Variants in RASAL1 observed in about 807,000 individuals in gnomAD.
RASAL1 encodes the protein RAS protein activator like 1, also known as rasGAP-activating-like protein 1.
In RASAL1, 72 loss-of-function variants were observed where a neutral mutation model predicts 96.6. The observed-to-expected ratio is 0.75, with a 90% CI of 0.62 to 0.91. The LOEUF is 0.91. Among genes scored for constraint, RASAL1 ranks in the 40% least tolerant of loss-of-function variants. The probability of loss-of-function intolerance (pLI) is 0.00; values close to 1 mark genes in which losing one functional copy is unlikely to be tolerated. For missense variants in RASAL1, 1,016 were observed against 1,072.5 expected (o/e 0.95, Z 0.74); for synonymous variants, 405 against 430.4 (o/e 0.94, Z 0.73).
At position 113,113,657 on chromosome 12, in the gene RASAL1, C is replaced by T. The variant is rs543965206; in HGVS notation, c.1181+1143G>A. On this transcript the variant is annotated intron_variant, in intron 12 of 20. Coordinates refer to ENST00000548055, the MANE Select transcript of RASAL1 (RefSeq NM_001301202.2). ...CATCAGTAAGAGGGGGTCATGATGC[C>T]TGCCTCTAAAGTAGTCAGAAGGTGT... 3.4e-4 allele frequency among the ~76,000 whole-genome samples: 52 copies of T among 152,318 alleles called. No homozygotes were observed. The East Asian group carries it at 9.1e-3, about 27-fold the overall frequency.
At position 113,119,195 on chromosome 12, in the gene RASAL1, G is replaced by T. The variant is rs1051867108; in HGVS notation, c.575C>A (p.Ala192Asp). Residue 192 changes from alanine to aspartate, a missense_variant, in exon 7 of 21, where the codon GCC becomes GAC. Ala to Asp is a moderately radical substitution (Grantham distance 126, BLOSUM62 -2). Coordinates refer to ENST00000548055, the MANE Select transcript of RASAL1 (RefSeq NM_001301202.2). ...GAGCTCCACCCGCAGTGGGGACGGGGCACCTGGCATCTCCCGCAGCTCCAG... is the reference window on the plus strand; with the variant it reads ...GAGCTCCACCCGCAGTGGGGACGGGTCACCTGGCATCTCCCGCAGCTCCAG... ...EVLELREMPG[A>D]PSPLRVELWD... 1.9e-6 allele frequency: 3 copies of T among 1,613,968 alleles called. No individual in the cohort carries two copies. Among genetic ancestry groups the T allele is most frequent in the Non-Finnish European group, 2.5e-6 (3 of 1,179,974 alleles).
In RASAL1 at chr12:113,129,096, C is replaced by A. The variant is rs1041588953; in HGVS notation, c.123-918G>T. Among the ~76,000 whole-genome samples, 5 of 152,168 alleles carry A rather than the reference C, an allele frequency of 3.3e-5. No individual in the cohort carries two copies. The South Asian group carries it at 6.2e-4, about 19-fold the overall frequency. On this transcript the variant is annotated intron_variant, in intron 2 of 20. Transcript: ENST00000548055. This position sits in a 1 kb window ranked among gnomAD's most constrained non-coding sequence, Gnocchi z 5.0. ...TGCTGGGCTCCAGGGATCAGAGGAA[C>A]AGGTGTCAGGGCTGCTTACCCCACA...
intron 13 of RASAL1, among the ~76,000 whole-genome samples, chr12:113,109,870 A>G (rs767113762): frequency 6.6e-6 from 1 of 152,198 alleles, no homozygotes; most frequent in Non-Finnish European, 1.5e-5. Flanking sequence ...CAGTCTTCAC[A>G]TCAGCTCATT....
chr12:113,103,829 G>A (rs1950546024), intron 18 of RASAL1, 117 bp downstream of exon 18: 6 of 1,309,360 alleles, frequency 4.6e-6, no homozygotes, highest in Middle Eastern at 1.8e-4. Context: ...AGGAGACTGA[G>A]GCATAGAGAG....
At chr12:113,111,636 CA>C (rs1457048152) in intron 13 of RASAL1, among the ~76,000 whole-genome samples, 1 of 152,148 alleles carries the variant, frequency 6.6e-6, no homozygotes, top group Non-Finnish European at 1.5e-5. Flanking sequence ...CTCTGTCACC[CA>C]GTCTGGAGTG....
rs78877576 is a variant in RASAL1 at position 113,133,532 on chromosome 12, T to C, written c.65+1866A>G. The stretch of plus-strand genomic sequence containing the variant: ...GACTGACTGCTACTATTTCTAATAG[T>C]AAAAACTCTAAAATTACCTGAAGAG... On this transcript the variant is annotated intron_variant, in intron 1 of 20. Coordinates refer to ENST00000548055, the MANE Select transcript of RASAL1 (RefSeq NM_001301202.2). Among the ~76,000 whole-genome samples the C allele has an allele frequency of 6.9e-3, 1,043 of 152,228 alleles. 57 individuals carry two copies. In the East Asian group the frequency reaches 0.15, roughly 21 times the overall value.
chr12:113,101,968 C>A lies in RASAL1; in HGVS notation c.2146G>T (p.Asp716Tyr), dbSNP rs770259667. 3 of 1,614,118 alleles carry A rather than the reference C, an allele frequency of 1.9e-6. No homozygotes were observed. The South Asian group carries it at 3.3e-5, about 18-fold the overall frequency. The change falls in exon 19 of 21, where the codon GAC becomes TAC. Residue 716 changes from aspartate to tyrosine, a missense_variant. Asp to Tyr is a radical substitution (Grantham distance 160). Transcript: ENST00000548055. ...TCAGGATCCAGTGGGTCACTCCAGT[C>A]CCCCAGGGTGACAGCTGAGTGTGTA... ...SRTHSAVTLG[D>Y]WSDPLDPDAE... is the part of the protein sequence containing the mutation.
rs368914042 is a variant in RASAL1, at chr12:113,123,360, T to C, written c.299-1722A>G. ...TTGATCTTACTCTGGGAAACCTAAG[T>C]GAACATGCTTATCCCTAGAGAGGAG... On this transcript the variant is annotated intron_variant, in intron 4 of 20. Transcript: ENST00000548055. Among the ~76,000 whole-genome samples the C allele has an allele frequency of 1.2e-4, 18 of 152,306 alleles. No individual in the cohort carries two copies. The East Asian group carries it at 2.9e-3, about 24-fold the overall frequency.
intron 18 of RASAL1, 109 bp downstream of exon 18, chr12:113,103,837 G>A (rs1453645780): frequency 1.4e-6 from 2 of 1,396,318 alleles, no homozygotes; most frequent in African/African-American, 1.4e-5. Context: ...GAGGCATAGA[G>A]AGGTTGAGTA....
chr12:113,123,700 C>T (rs1951379435), intron 4 of RASAL1, among the ~76,000 whole-genome samples: 1 of 152,196 alleles, frequency 6.6e-6, no homozygotes, highest in Non-Finnish European at 1.5e-5. Context: ...TCTCATGTCT[C>T]AGTCTCTCGA....
chr12:113,102,103 G>A, intron 18 of RASAL1, 94 bp from the exon 19 acceptor site: 28 of 1,470,244 alleles, frequency 1.9e-5, no homozygotes, highest in Non-Finnish European at 2.6e-5. Context: ...CCTTCTTCCT[G>A]TAAAATCCCT....
At chr12:113,133,944 G>C (rs1259836670) in intron 1 of RASAL1, among the ~76,000 whole-genome samples, 2 of 152,244 alleles carry the variant, frequency 1.3e-5, no homozygotes, top group African/African-American at 4.8e-5. Flanking sequence ...TCCAGGTGCA[G>C]GGGTGACACC....
At chr12:113,102,045 T>A in intron 18 of RASAL1, 36 bp from the exon 19 acceptor site, 1 of 1,597,032 alleles carries the variant, frequency 6.3e-7, no homozygotes, top group Non-Finnish European at 8.5e-7. Context: ...AGTAACTCCC[T>A]CTCCCCTTCC....
intron 12 of RASAL1, among the ~76,000 whole-genome samples, 160 bp downstream of exon 12, chr12:113,114,640 G>A (rs1951005770): frequency 1.3e-5 from 2 of 152,192 alleles, no homozygotes; most frequent in Non-Finnish European, 2.9e-5. Flanking sequence ...CAGCCTGATG[G>A]TTTAAGGGCT....
intron 1 of RASAL1, 106 bp from the exon 2 acceptor site, chr12:113,131,047 G>A: frequency 1.2e-6 from 1 of 806,616 alleles, no homozygotes; most frequent in East Asian, 2.5e-5. Context: ...AGACAGAGAA[G>A]GGGACTTGCC....
Position 113,117,165 on chromosome 12 carries a change from T to C in RASAL1, c.643-4A>G, listed in dbSNP as rs1342860644. 17 of 1,585,884 alleles carry C rather than the reference T, an allele frequency of 1.1e-5. No homozygotes were observed. Among genetic ancestry groups the C allele is most frequent in the Non-Finnish European group, 1.4e-5 (16 of 1,157,586 alleles). ...GGGTCTTTGGAGAGAACTCCACCTT[T>C]TGAGAGAGACACACAGACCCTCAGC... On this transcript the variant is annotated splice_region_variant and splice_polypyrimidine_tract_variant and intron_variant, in intron 7 of 20. Transcript: ENST00000548055.
chr12:113,126,833 T>C (rs1038709021), intron 4 of RASAL1, among the ~76,000 whole-genome samples: 1 of 151,960 alleles, frequency 6.6e-6, no homozygotes, highest in Admixed American at 6.6e-5. Flanking sequence ...CCTCAGTTTA[T>C]TCACCTATAA....
chr12:113,108,033 GCT>G (rs1334080738), intron 14 of RASAL1, 50 bp downstream of exon 14: 2 of 1,563,152 alleles, frequency 1.3e-6, no homozygotes, highest in South Asian at 1.2e-5. Context: ...CTCCTACCAT[GCT>G]TTTTTCCCTG....
chr12:113,102,055 C>A, intron 18 of RASAL1, 46 bp from the exon 19 acceptor site: 1 of 1,589,466 alleles, frequency 6.3e-7, no homozygotes. Context: ...TCTCCCCTTC[C>A]AGAAGCCTCC....
Sources: gnomAD v4.1 joint callset for allele counts (sites outside exome capture counted in the v4.1 genomes callset) on GRCh38, gnomAD v4.1.1 for gene constraint, Gnocchi (gnomAD v3.1) non-coding constraint, MANE v1.5 for transcripts, NCBI Gene and HGNC (gene_info 2026-07-23, HGNC 2026-07-21) for gene names.